Variants in GTF2E1 observed in about 807,000 individuals in gnomAD.
The protein encoded by GTF2E1 is general transcription factor IIE subunit 1.
In GTF2E1, 14 loss-of-function variants were observed where a neutral mutation model predicts 34.9. The ratio of observed to expected loss-of-function variants is 0.40; its 90% confidence interval spans 0.27 to 0.63. The LOEUF (loss-of-function observed/expected upper bound fraction) is 0.63, where lower values mean the gene tolerates loss of function less well. Ranked by LOEUF, GTF2E1 falls within the 20% of genes least tolerant of loss-of-function variation. The pLI, the probability that GTF2E1 is intolerant of heterozygous loss-of-function variation, is 0.39. For synonymous variants in GTF2E1, 188 were observed against 192.9 expected (o/e 0.97, Z 0.21); for missense variants, 469 against 557.7 (o/e 0.84, Z 1.60).
chr3:120,768,389 G>A (rs79920815), intron 2 of GTF2E1, among the ~76,000 whole-genome samples: 232 of 152,212 alleles, frequency 1.5e-3, no homozygotes, highest in African/African-American at 5.5e-3. Context: ...TGAGGAGGCC[G>A]GTTTGTGATG....
At chr3:120,747,606 C>T (rs962789545) in intron 1 of GTF2E1, among the ~76,000 whole-genome samples, 3 of 152,182 alleles carry the variant, frequency 2.0e-5, no homozygotes, top group African/African-American at 7.2e-5. Context: ...GCATAGTATT[C>T]CATGGTGTAT....
intron 2 of GTF2E1, among the ~76,000 whole-genome samples, chr3:120,768,887 G>T (rs1709329871): frequency 6.6e-6 from 1 of 152,142 alleles, no homozygotes; most frequent in Non-Finnish European, 1.5e-5. Context: ...TTCAACTCTT[G>T]TTGGCCTCTT....
chr3:120,742,889 C>T (rs1057501608), intron 1 of GTF2E1, 95 bp downstream of exon 1: 1 of 294,046 alleles, frequency 3.4e-6, no homozygotes, highest in Admixed American at 4.9e-5. Context: ...AACTATCCTC[C>T]CCTAATGAAT....
At chr3:120,747,496 G>A (rs1254609559) in intron 1 of GTF2E1, among the ~76,000 whole-genome samples, 2 of 152,248 alleles carry the variant, frequency 1.3e-5, no homozygotes, top group Non-Finnish European at 2.9e-5. Flanking sequence ...GATATATGCG[G>A]TGTTTGGTTT....
chr3:120,747,494 C>T (rs192028169), intron 1 of GTF2E1, among the ~76,000 whole-genome samples: 231 of 152,144 alleles, frequency 1.5e-3, no homozygotes, highest in Non-Finnish European at 2.6e-3. Flanking sequence ...GAGATATATG[C>T]GGTGTTTGGT....
At chr3:120,775,917 A>G (rs933258835) in intron 3 of GTF2E1, among the ~76,000 whole-genome samples, 3 of 152,194 alleles carry the variant, frequency 2.0e-5, no homozygotes, top group African/African-American at 7.2e-5. Flanking sequence ...GCTTTGTAGA[A>G]TAGTTTTCTA....
chr3:120,765,859 A>G (rs1255567579), intron 2 of GTF2E1, among the ~76,000 whole-genome samples: 2 of 152,188 alleles, frequency 1.3e-5, no homozygotes, highest in Non-Finnish European at 2.9e-5. Context: ...AGCTTTGCCT[A>G]AAGAATCTTT....
At position 120,745,193 on chromosome 3, in the gene GTF2E1, T is replaced by A. The variant is rs148458246; in HGVS notation, c.-31+2399T>A. 7.4e-3 allele frequency among the ~76,000 whole-genome samples: 1,128 copies of A among 152,354 alleles called. 14 individuals carry two copies. The highest frequency in any genetic ancestry group is 0.026 in the African/African-American group (1,071 of 41,582). ...TTGCAATTACAGGTATTAGCCACTG[T>A]AGCCACTGCACTTGGCTTAATCACT... is the stretch of plus-strand genomic sequence containing the variant. On this transcript the variant is annotated intron_variant, in intron 1 of 4. Coordinates refer to ENST00000283875, the MANE Select transcript of GTF2E1 (RefSeq NM_005513.3).
chr3:120,751,709 CT>C, intron 2 of GTF2E1, among the ~76,000 whole-genome samples: 1 of 152,088 alleles, frequency 6.6e-6, no homozygotes, highest in East Asian at 1.9e-4. Flanking sequence ...GTTATTTTAT[CT>C]TGTTATCTGT....
intron 2 of GTF2E1, among the ~76,000 whole-genome samples, chr3:120,764,606 A>G (rs767423831): frequency 6.6e-6 from 1 of 152,214 alleles, no homozygotes; most frequent in Non-Finnish European, 1.5e-5. Context: ...TATTCATTTT[A>G]TATACTGGAC....
intron 2 of GTF2E1, among the ~76,000 whole-genome samples, chr3:120,762,975 G>A (rs906399325): frequency 5.9e-5 from 9 of 152,162 alleles, no homozygotes; most frequent in African/African-American, 2.2e-4. Context: ...GCCTTGGTTA[G>A]GAATTGGGAC....
At chr3:120,759,207 A>G (rs1158189002) in intron 2 of GTF2E1, among the ~76,000 whole-genome samples, 1 of 152,160 alleles carries the variant, frequency 6.6e-6, no homozygotes, top group East Asian at 1.9e-4. Context: ...TCTATGCTGC[A>G]TATGCATATG....
At chr3:120,774,202 G>A (rs1046805022) in intron 3 of GTF2E1, among the ~76,000 whole-genome samples, 9 of 152,118 alleles carry the variant, frequency 5.9e-5, no homozygotes, top group African/African-American at 1.9e-4. Flanking sequence ...GAAACATTTT[G>A]GGGTGGCAGA....
At chr3:120,748,294 C>T (rs1256298352) in intron 1 of GTF2E1, among the ~76,000 whole-genome samples, 1 of 151,480 alleles carries the variant, frequency 6.6e-6, no homozygotes, top group African/African-American at 2.4e-5. Flanking sequence ...GTTGCCATTG[C>T]TTTTGGTGTT....
At chr3:120,770,981 T>C (rs1304356716) in intron 3 of GTF2E1, 52 bp downstream of exon 3, 4 of 1,418,694 alleles carry the variant, frequency 2.8e-6, no homozygotes, top group Non-Finnish European at 3.0e-6. Flanking sequence ...CCTGTTCTTG[T>C]TTTAACTACC....
At chr3:120,752,765 T>C (rs1235902699) in intron 2 of GTF2E1, among the ~76,000 whole-genome samples, 1 of 152,088 alleles carries the variant, frequency 6.6e-6, no homozygotes, top group Non-Finnish European at 1.5e-5. Context: ...ACTGAAACAA[T>C]TGTGTTGTGG....
intron 4 of GTF2E1, among the ~76,000 whole-genome samples, chr3:120,778,315 G>A (rs944672679): frequency 3.3e-5 from 5 of 152,126 alleles, no homozygotes; most frequent in African/African-American, 1.2e-4. Context: ...ATTTATTTCT[G>A]CATAAAATAG....
At chr3:120,752,769 G>T (rs1709176440) in intron 2 of GTF2E1, among the ~76,000 whole-genome samples, 1 of 152,172 alleles carries the variant, frequency 6.6e-6, no homozygotes, top group South Asian at 2.1e-4. Context: ...AAACAATTGT[G>T]TTGTGGCCAG....
intron 2 of GTF2E1, among the ~76,000 whole-genome samples, chr3:120,753,374 A>G (rs1403047282): frequency 6.6e-6 from 1 of 152,112 alleles, no homozygotes; most frequent in East Asian, 1.9e-4. Flanking sequence ...TTTTCTTTCT[A>G]AGCCCAGTCC....
Sources: gnomAD v4.1 joint callset for allele counts (sites outside exome capture counted in the v4.1 genomes callset) on GRCh38, gnomAD v4.1.1 for gene constraint, MANE v1.5 for transcripts, NCBI Gene and HGNC (gene_info 2026-07-23, HGNC 2026-07-21) for gene names.